CALCR: variants seen among roughly 807,000 people sequenced by gnomAD.
The protein encoded by CALCR is calcitonin receptor.
A neutral mutation model predicts 59.5 loss-of-function variants in CALCR; 47 were observed. That is an observed-to-expected ratio of 0.79 (90% CI 0.63 to 1.01). The LOEUF (loss-of-function observed/expected upper bound fraction) is 1.01. CALCR is among the 50% of genes least tolerant of loss of function. The pLI, the probability that CALCR is intolerant of heterozygous loss-of-function variation, is 0.00. For missense variants in CALCR, 566 were observed against 597.1 expected (o/e 0.95, Z 0.54); for synonymous variants, 213 against 211.3 (o/e 1.01, Z -0.07).
intron 2 of CALCR, among the ~76,000 whole-genome samples, chr7:93,564,568 T>C (rs1161440487): frequency 6.6e-6 from 1 of 152,096 alleles, no homozygotes; most frequent in Non-Finnish European, 1.5e-5. Context: ...TTCTCCTGCC[T>C]CAGCCTCCCA....
At chr7:93,487,545 A>G (rs1800972047) in intron 2 of CALCR, among the ~76,000 whole-genome samples, 1 of 151,526 alleles carries the variant, frequency 6.6e-6, no homozygotes, top group Non-Finnish European at 1.5e-5. Context: ...AATTTCTTCC[A>G]TAGCAATGAT....
At chr7:93,560,034 C>G (rs1310645650) in intron 2 of CALCR, among the ~76,000 whole-genome samples, 1 of 152,112 alleles carries the variant, frequency 6.6e-6, no homozygotes, top group East Asian at 1.9e-4. Context: ...TAAAATCCAA[C>G]TCTCTGATGA....
intron 2 of CALCR, among the ~76,000 whole-genome samples, chr7:93,525,126 A>C (rs1326238769): frequency 6.8e-6 from 1 of 147,582 alleles, no homozygotes; most frequent in Non-Finnish European, 1.5e-5. Context: ...CTTTTCCTAG[A>C]CTCAGGGAAA....
chr7:93,535,103 A>G (rs932106068), intron 2 of CALCR, among the ~76,000 whole-genome samples: 1 of 151,700 alleles, frequency 6.6e-6, no homozygotes, highest in Non-Finnish European at 1.5e-5. Flanking sequence ...AAATTGTTTC[A>G]TGGCTATTAA....
chr7:93,434,215 A>T, intron 13 of CALCR, 38 bp downstream of exon 13: 1 of 1,495,040 alleles, frequency 6.7e-7, no homozygotes, highest in Non-Finnish European at 9.3e-7. Context: ...CTGCCTTTAC[A>T]CAAACAAGTG....
intron 2 of CALCR, among the ~76,000 whole-genome samples, chr7:93,562,107 G>C (rs1789764269): frequency 7.3e-6 from 1 of 137,208 alleles, no homozygotes; most frequent in Non-Finnish European, 1.5e-5. Flanking sequence ...ATAAATGTTA[G>C]TTTTAAATTT....
At chr7:93,556,668 T>C (rs957443293) in intron 2 of CALCR, among the ~76,000 whole-genome samples, 2 of 150,872 alleles carry the variant, frequency 1.3e-5, no homozygotes, top group African/African-American at 4.9e-5. Flanking sequence ...TTTTTATCTA[T>C]ATATATATAT....
intron 7 of CALCR, among the ~76,000 whole-genome samples, chr7:93,461,684 G>T (rs557863538): frequency 4.6e-5 from 7 of 152,204 alleles, no homozygotes; most frequent in South Asian, 4.1e-4. Context: ...TGTGTATTAA[G>T]CAATTTATTG....
chr7:93,443,642 T>C lies in CALCR; in HGVS notation c.764A>G (p.Glu255Gly). 6.2e-7 allele frequency: 1 copy of C among 1,613,432 alleles called. No individual in the cohort carries two copies. Among genetic ancestry groups the C allele is most frequent in the African/African-American group, 1.3e-5 (1 of 74,970 alleles). Residue 255 changes from glutamate to glycine, a missense_variant, in exon 9 of 14, where the codon GAG (glutamate) becomes GGG (glycine). Transcript: ENST00000426151. ...ATAATACCACCGCAAGCGTTGCTTC[T>C]CAGTAAACACAGCCACGACAATGAG... ...HTLIVVAVFT[E>G]KQRLRWYYLL...
chr7:93,520,259 A>T (rs938372268), intron 2 of CALCR, among the ~76,000 whole-genome samples: 2 of 152,092 alleles, frequency 1.3e-5, no homozygotes, highest in Non-Finnish European at 2.9e-5. Flanking sequence ...ACAAAGAGGA[A>T]GTAAATGCCA....
intron 12 of CALCR, among the ~76,000 whole-genome samples, chr7:93,435,320 A>C (rs1799748276): frequency 6.6e-6 from 1 of 152,148 alleles, no homozygotes; most frequent in South Asian, 2.1e-4. Context: ...CAGAGCCAGC[A>C]CTTATTTATA....
At chr7:93,462,149 T>G (rs1342616052) in intron 7 of CALCR, 1 of 1,151,850 alleles carries the variant, frequency 8.7e-7, no homozygotes, top group Non-Finnish European at 1.2e-6. Context: ...AGGCAGCTGT[T>G]AGAGCATATT....
chr7:93,484,857 T>G (rs1419702512), intron 3 of CALCR, among the ~76,000 whole-genome samples: 3 of 151,740 alleles, frequency 2.0e-5, no homozygotes, highest in Non-Finnish European at 2.9e-5. Flanking sequence ...TACCAACTGC[T>G]GCTCTAAGCT....
At chr7:93,450,403 T>C (rs544156461) in intron 8 of CALCR, among the ~76,000 whole-genome samples, 1 of 152,112 alleles carries the variant, frequency 6.6e-6, no homozygotes, top group East Asian at 1.9e-4. Context: ...GATGTGCTCA[T>C]GGACTCCACA....
intron 2 of CALCR, among the ~76,000 whole-genome samples, chr7:93,561,310 C>A (rs1789742516): frequency 6.6e-6 from 1 of 151,846 alleles, no homozygotes; most frequent in South Asian, 2.1e-4. Flanking sequence ...TCAAGTGTAG[C>A]CTGCATCCTT....
At chr7:93,426,709 T>G in intron 13 of CALCR, 120 bp from the exon 14 acceptor site, 2 of 612,836 alleles carry the variant, frequency 3.3e-6, no homozygotes, top group South Asian at 4.4e-5. Context: ...AATTCTGATC[T>G]AAAGGGCTGG....
chr7:93,563,855 G>A (rs1325436394), intron 2 of CALCR, among the ~76,000 whole-genome samples: 1 of 152,134 alleles, frequency 6.6e-6, no homozygotes, highest in Non-Finnish European at 1.5e-5. Flanking sequence ...TTCTTCAGTA[G>A]GATACTTACC....
chr7:93,510,289 C>T (rs905113154), intron 2 of CALCR, among the ~76,000 whole-genome samples: 1 of 152,132 alleles, frequency 6.6e-6, no homozygotes, highest in South Asian at 2.1e-4. Context: ...TCAGGAGCTA[C>T]TTAGGACCCG....
intron 2 of CALCR, among the ~76,000 whole-genome samples, chr7:93,515,534 T>C (rs1187899802): frequency 6.6e-6 from 1 of 152,090 alleles, no homozygotes; most frequent in Non-Finnish European, 1.5e-5. Context: ...GGTGTTTATG[T>C]TTCTCAAATA....
Sources: allele counts gnomAD v4.1 joint callset (sites outside exome capture counted in the v4.1 genomes callset), GRCh38; gene constraint gnomAD v4.1.1; transcripts MANE v1.5; gene names NCBI Gene and HGNC (gene_info 2026-07-23, HGNC 2026-07-21).